AAK1: variants seen among roughly 807,000 people sequenced by gnomAD.
The protein encoded by AAK1 is AP2 associated kinase 1, also known as AP2-associated protein kinase 1.
Under a neutral mutation model 116.0 loss-of-function variants are expected in AAK1, and 37 were observed. The ratio of observed to expected loss-of-function variants is 0.32; its 90% CI spans 0.25 to 0.42. The LOEUF (loss-of-function observed/expected upper bound fraction) is 0.42, where lower values mean the gene tolerates loss of function less well. Among genes scored for constraint, AAK1 ranks in the 10% least tolerant of loss-of-function variants. The pLI, the probability that AAK1 is intolerant of heterozygous loss-of-function variation, is 1.00. For missense variants in AAK1, 919 were observed against 1,170.6 expected (o/e 0.79, Z 3.14); for synonymous variants, 458 against 439.9 (o/e 1.04, Z -0.51).
At chr2:69,546,660 T>C (rs891114797) in intron 3 of AAK1, among the ~76,000 whole-genome samples, 5 of 152,184 alleles carry the variant, frequency 3.3e-5, no homozygotes, top group African/African-American at 9.7e-5. Flanking sequence ...GGTAGAACCA[T>C]GCTATGGTTT....
chr2:69,614,758 C>A (rs1345811552), intron 2 of AAK1, among the ~76,000 whole-genome samples: 2 of 151,918 alleles, frequency 1.3e-5, no homozygotes, highest in African/African-American at 4.8e-5. Flanking sequence ...GCTGGCAGAC[C>A]CTAAATCTAA....
intron 2 of AAK1, among the ~76,000 whole-genome samples, chr2:69,567,309 T>A (rs1280058202): frequency 1.3e-5 from 2 of 152,202 alleles, no homozygotes; most frequent in African/African-American, 4.8e-5. Flanking sequence ...CACTCCCATA[T>A]GATTAAGTTC....
chr2:69,593,394 G>A (rs1278842275), intron 2 of AAK1, among the ~76,000 whole-genome samples: 1 of 152,168 alleles, frequency 6.6e-6, no homozygotes, highest in South Asian at 2.1e-4. Flanking sequence ...AAATGGTTAA[G>A]AGGGTATACT....
intron 2 of AAK1, among the ~76,000 whole-genome samples, chr2:69,590,529 C>T (rs549747997): frequency 6.6e-6 from 1 of 152,352 alleles, no homozygotes; most frequent in East Asian, 1.9e-4. Context: ...TAAGCCATCC[C>T]CACTAACCTT....
chr2:69,598,187 A>C (rs533170403), intron 2 of AAK1: 2 of 822,840 alleles, frequency 2.4e-6, no homozygotes, highest in East Asian at 3.0e-5. Context: ...GAATACAGAC[A>C]CTGATGTTTC....
intron 2 of AAK1, among the ~76,000 whole-genome samples, chr2:69,593,365 T>TA (rs953131410): frequency 9.9e-5 from 15 of 152,108 alleles, no homozygotes; most frequent in African/African-American, 3.1e-4. Flanking sequence ...TTATTGAGTT[T>TA]AAAAAAACAG....
chr2:69,500,680 TATATATATATATATATATACACAC>T (rs1163315959), intron 16 of AAK1, among the ~76,000 whole-genome samples: 10 of 102,578 alleles, frequency 9.7e-5, no homozygotes, highest in African/African-American at 4.8e-4. Context: ...TATATATATA[TATATATATATATATATATACACAC>T]ACACACACAC....
chr2:69,466,028 A>C lies in AAK1; in HGVS notation c.*9841T>G. On this transcript the variant is annotated 3_prime_UTR_variant, in exon 22 of 22. Coordinates refer to ENST00000409085, the MANE Select transcript of AAK1 (RefSeq NM_014911.5). ...CGTCTGACTCCTCTGGCTGGGAAGG[A>C]GCCATACTGCTCTTGGAGACAAATG... 7.7e-7 allele frequency: 1 copy of C among 1,290,882 alleles called. No homozygotes were observed. The highest frequency in any genetic ancestry group is 1.0e-6 in the Non-Finnish European group (1 of 988,862). The allele number at this position is 1,290,882 out of a possible 1,614,324, so 80.0% of individuals were successfully genotyped here.
chr2:69,544,346 G>T (rs772939390), intron 4 of AAK1, 90 bp downstream of exon 4: 1 of 929,294 alleles, frequency 1.1e-6, no homozygotes, highest in Non-Finnish European at 1.7e-6. Flanking sequence ...ATCATAGAGT[G>T]CAGTGCACAT....
At chr2:69,541,227 C>CTT (rs545915571) in intron 5 of AAK1, among the ~76,000 whole-genome samples, 56 of 125,272 alleles carry the variant, frequency 4.5e-4, no homozygotes, top group South Asian at 1.3e-3. Context: ...TTTTATACTT[C>CTT]TTTTTTTTTT....
chr2:69,619,874 A>G (rs1015368207), intron 2 of AAK1, among the ~76,000 whole-genome samples: 2 of 152,214 alleles, frequency 1.3e-5, no homozygotes, highest in East Asian at 3.8e-4. Flanking sequence ...CCAGAGGAGA[A>G]GAGTAAAATA....
chr2:69,634,542 T>C (rs1053784877), intron 2 of AAK1, among the ~76,000 whole-genome samples: 3 of 152,350 alleles, frequency 2.0e-5, no homozygotes, highest in African/African-American at 7.2e-5. Flanking sequence ...AGAGAAGTAA[T>C]GGAAGACTCG....
intron 19 of AAK1, among the ~76,000 whole-genome samples, chr2:69,479,937 T>C (rs924564133): frequency 6.6e-6 from 1 of 152,120 alleles, no homozygotes; most frequent in Non-Finnish European, 1.5e-5. Flanking sequence ...GTATTTTTAG[T>C]GGAGACGGCG....
At position 69,466,102 on chromosome 2, in the gene AAK1, TG is replaced by T; in HGVS notation, c.*9766del. 7.7e-7 allele frequency: 1 copy of T among 1,290,846 alleles called. No individual in the cohort carries two copies. Among genetic ancestry groups the T allele is most frequent in the Non-Finnish European group, 1.0e-6 (1 of 988,874 alleles). The allele number at this position is 1,290,846 out of a possible 1,614,324, so 80.0% of individuals were successfully genotyped here. A position where few individuals can be genotyped will look rare whatever the true frequency, so the allele number is the denominator to read the frequency against. Reference sequence around the variant, plus strand: ...TCATCATTTGGAACCCTTGAGCTCCTGAAGGGAGCTATGGCAAAAACATCTG... The same window carrying T: ...TCATCATTTGGAACCCTTGAGCTCCTAAGGGAGCTATGGCAAAAACATCTG... On this transcript the variant is annotated 3_prime_UTR_variant, in exon 22 of 22. Transcript: ENST00000409085.
At chr2:69,642,763 G>C (rs1286104121) in intron 2 of AAK1, 115 bp downstream of exon 2, 10 of 1,396,394 alleles carry the variant, frequency 7.2e-6, no homozygotes, top group Non-Finnish European at 9.9e-6. Flanking sequence ...GGCAAGTGAA[G>C]GGGGAAGGGA....
intron 16 of AAK1, among the ~76,000 whole-genome samples, chr2:69,503,067 A>G (rs1676039377): frequency 6.6e-6 from 1 of 152,252 alleles, no homozygotes; most frequent in African/African-American, 2.4e-5. Flanking sequence ...CCTTCAGTAT[A>G]GTTTACAGCA....
chr2:69,503,283 G>A (rs1249334146), intron 16 of AAK1, among the ~76,000 whole-genome samples: 1 of 152,150 alleles, frequency 6.6e-6, no homozygotes, highest in African/African-American at 2.4e-5. Flanking sequence ...CCTAAAGAAA[G>A]CAGGCAGAAA....
intron 2 of AAK1, among the ~76,000 whole-genome samples, chr2:69,572,501 C>T (rs1000111415): frequency 6.6e-6 from 1 of 151,694 alleles, no homozygotes; most frequent in African/African-American, 2.4e-5. Context: ...CAACTGTCAT[C>T]CCAGCTACTC....
chr2:69,490,616 CAT>C (rs1030254055), intron 17 of AAK1, among the ~76,000 whole-genome samples: 42 of 150,978 alleles, frequency 2.8e-4, no homozygotes, highest in African/African-American at 1.0e-3. Context: ...TAGTAAAATT[CAT>C]AGAGACAGAA....
Sources: allele counts gnomAD v4.1 joint callset (sites outside exome capture counted in the v4.1 genomes callset), GRCh38; gene constraint gnomAD v4.1.1; transcripts MANE v1.5; gene names NCBI Gene and HGNC (gene_info 2026-07-23, HGNC 2026-07-21).